ZNF469: variants seen among roughly 807,000 people sequenced by gnomAD.
The protein encoded by ZNF469 is zinc finger protein 469.
ZNF469 carries 1 observed loss-of-function variant against 1.0 expected under a neutral mutation model. The observed-to-expected ratio is 1.00, with a 90% CI of 0.35 to 4.73. The LOEUF (loss-of-function observed/expected upper bound fraction) is 4.73. Ranked by LOEUF, ZNF469 falls within the 30% of genes most tolerant of loss-of-function variation. The probability of loss-of-function intolerance (pLI) is 0.16; values close to 1 mark genes in which losing one functional copy is unlikely to be tolerated. For missense variants in ZNF469, 6,100 were observed against 5,356.3 expected, an observed-to-expected ratio of 1.14 and a Z score of -4.33; for synonymous variants, 2,703 against 2,363.4, an observed-to-expected ratio of 1.14 and a Z score of -4.17.
the ZNF469 span, among the ~76,000 whole-genome samples, chr16:88,314,274 G>C: frequency 2.9e-4 from 26 of 90,878 alleles, 1 homozygote; most frequent in Middle Eastern, 6.9e-3. Flanking sequence ...GATGATGCTG[G>C]TGTGGACTAT....
At chr16:88,331,469 AC>A in the ZNF469 span, among the ~76,000 whole-genome samples, 1 of 151,154 alleles carries the variant, frequency 6.6e-6, no homozygotes. Flanking sequence ...CATCACTACC[AC>A]CATCATCACC....
chr16:88,276,739 T>C, the ZNF469 span, among the ~76,000 whole-genome samples: 15 of 152,306 alleles, frequency 9.8e-5, no homozygotes, highest in Admixed American at 3.9e-4. Flanking sequence ...TGACACTCAG[T>C]CAGGACCCTG....
chr16:88,112,816 T>C, the ZNF469 span, among the ~76,000 whole-genome samples: 5 of 133,818 alleles, frequency 3.7e-5, no homozygotes, highest in Non-Finnish European at 6.3e-5. Context: ...CTTGCTCTGT[T>C]GCCCAGGCTG....
chr16:88,383,990 TC>T (rs1220625848), intron 1 of ZNF469, among the ~76,000 whole-genome samples: 1 of 152,072 alleles, frequency 6.6e-6, no homozygotes, highest in Non-Finnish European at 1.5e-5. Flanking sequence ...CCAGTCCTTG[TC>T]CCTGCACCCT....
the ZNF469 span, among the ~76,000 whole-genome samples, chr16:88,240,533 A>G: frequency 1.3e-5 from 2 of 152,252 alleles, no homozygotes; most frequent in South Asian, 4.1e-4. Context: ...AAGGGAATGC[A>G]CTAATATGCA....
chr16:88,437,630 C>G lies in ZNF469; in HGVS notation c.10160C>G (p.Ala3387Gly). The G allele has an allele frequency of 6.5e-7, 1 of 1,541,528 alleles. No individual in the cohort carries two copies. Among genetic ancestry groups the G allele is most frequent in the Non-Finnish European group, 8.8e-7 (1 of 1,140,606 alleles). The change falls in exon 3 of 3, where the codon GCG becomes GGG. Residue 3387 changes from alanine (A) to glycine (G), a missense_variant. Physicochemically the swap from Ala to Gly is moderately conservative, Grantham distance 60. Transcript: ENST00000565624. The part of the protein sequence containing the change: ...HGELLAHLGG[A>G]HGLLERPELQ... ...GAGCTGCTGGCACACCTGGGCGGGGCGCACGGGCTGCTGGAGCGGCCGGAG... is the reference window on the plus strand; with the variant it reads ...GAGCTGCTGGCACACCTGGGCGGGGGGCACGGGCTGCTGGAGCGGCCGGAG...
intron 1 of ZNF469, among the ~76,000 whole-genome samples, chr16:88,386,795 G>C (rs1448000135): frequency 6.6e-6 from 1 of 152,194 alleles, no homozygotes; most frequent in Admixed American, 6.5e-5. Flanking sequence ...CTGGGGGCTG[G>C]ACAGAGCGTG....
At chr16:88,115,657 G>A in the ZNF469 span, among the ~76,000 whole-genome samples, 2 of 149,096 alleles carry the variant, frequency 1.3e-5, no homozygotes, top group African/African-American at 2.5e-5. Flanking sequence ...CCGCCGAGCC[G>A]TACTCCCTCT....
the ZNF469 span, among the ~76,000 whole-genome samples, chr16:88,261,425 G>A: frequency 1.3e-5 from 2 of 152,164 alleles, no homozygotes; most frequent in Non-Finnish European, 2.9e-5. The surrounding 1 kb of genome is among the most constrained non-coding windows in gnomAD (Gnocchi z 6.0). Context: ...ATGCACAGTA[G>A]GTCATGCCCC....
chr16:88,292,053 T>C, the ZNF469 span, among the ~76,000 whole-genome samples: 1 of 152,158 alleles, frequency 6.6e-6, no homozygotes, highest in Non-Finnish European at 1.5e-5. Flanking sequence ...CCCAGGAGTC[T>C]GGAGAACATG....
At chr16:88,224,855 G>T in the ZNF469 span, among the ~76,000 whole-genome samples, 1 of 152,230 alleles carries the variant, frequency 6.6e-6, no homozygotes, top group Non-Finnish European at 1.5e-5. Context: ...GCGCCCAGTG[G>T]GTCCCCAGCG....
intron 1 of ZNF469, among the ~76,000 whole-genome samples, chr16:88,405,292 C>G (rs906936699): frequency 2.0e-5 from 3 of 152,154 alleles, no homozygotes; most frequent in African/African-American, 7.2e-5. Context: ...CGGGTAGCCC[C>G]TGGGCTACCG....
the ZNF469 span, among the ~76,000 whole-genome samples, chr16:88,313,280 A>C: frequency 6.6e-6 from 1 of 152,234 alleles, no homozygotes; most frequent in Non-Finnish European, 1.5e-5. Flanking sequence ...TACTCTAACC[A>C]GTCATCTTCA....
the ZNF469 span, among the ~76,000 whole-genome samples, chr16:88,356,758 C>T: frequency 6.6e-6 from 1 of 152,198 alleles, no homozygotes; most frequent in South Asian, 2.1e-4. Flanking sequence ...AGGGGTCAGT[C>T]CTGGCACAGC....
Position 88,430,839 on chromosome 16 carries a change from A to G in ZNF469, c.3369A>G (p.Glu1123=). ...GRRGRGEKRK[E]VELTQGPRED... ...GGGGCCGAGGCGAGAAGAGGAAGGAAGTGGAGCTGACCCAGGGTCCCAGAG... is the reference window on the plus strand; with the variant it reads ...GGGGCCGAGGCGAGAAGAGGAAGGAGGTGGAGCTGACCCAGGGTCCCAGAG... Residue 1123 remains glutamate (E), a synonymous_variant, in exon 3 of 3, where the codon GAA becomes GAG. Transcript: ENST00000565624. 1 of 1,535,682 alleles carries G rather than the reference A, an allele frequency of 6.5e-7. No homozygotes were observed. The highest frequency in any genetic ancestry group is 1.2e-5 in the South Asian group (1 of 84,030).
the ZNF469 span, among the ~76,000 whole-genome samples, chr16:88,311,041 C>T: frequency 7.9e-5 from 12 of 152,196 alleles, no homozygotes; most frequent in Non-Finnish European, 1.2e-4. Flanking sequence ...ACGCCTCCCT[C>T]GGCTCCTCTC....
chr16:88,397,618 T>C (rs1904722283), intron 1 of ZNF469, among the ~76,000 whole-genome samples: 2 of 146,240 alleles, frequency 1.4e-5, no homozygotes, highest in Admixed American at 6.7e-5. Flanking sequence ...GATGGATGGA[T>C]GGGTGGATGG....
In ZNF469 at chr16:88,439,208, G is replaced by A. The variant is rs1161753051; in HGVS notation, c.11738G>A (p.Gly3913Asp). The A allele has an allele frequency of 5.2e-6, 8 of 1,550,200 alleles. No homozygotes were observed. Among genetic ancestry groups the A allele is most frequent in the Middle Eastern group, 3.3e-4 (2 of 5,990 alleles). ...CCCAAGAGGGGCACAGCTGTCCACGGTGCTGAACCTGCCGAGCCACACACC... is the reference window on the plus strand; with the variant it reads ...CCCAAGAGGGGCACAGCTGTCCACGATGCTGAACCTGCCGAGCCACACACC... ...RPPKRGTAVH[G>D]AEPAEPHTHR... is the part of the protein sequence containing the mutation. The change falls in exon 3 of 3, where the codon GGT becomes GAT. Residue 3913 changes from glycine to aspartate, a missense_variant. Coordinates refer to ENST00000565624, the MANE Select transcript of ZNF469 (RefSeq NM_001367624.2).
chr16:88,392,080 A>G (rs1182174189), intron 1 of ZNF469, among the ~76,000 whole-genome samples: 1 of 152,252 alleles, frequency 6.6e-6, no homozygotes, highest in African/African-American at 2.4e-5. Context: ...TTTTGGAGCC[A>G]CATTTAAAAA....
Sources: allele counts gnomAD v4.1 joint callset (sites outside exome capture counted in the v4.1 genomes callset), GRCh38; gene constraint gnomAD v4.1.1; non-coding constraint Gnocchi (gnomAD v3.1); transcripts MANE v1.5; gene names NCBI Gene and HGNC (gene_info 2026-07-23, HGNC 2026-07-21).